Variants in IMMP2L observed in about 807,000 individuals in gnomAD.
The protein encoded by IMMP2L is inner mitochondrial membrane peptidase subunit 2.
A neutral mutation model predicts 19.3 loss-of-function variants in IMMP2L; 18 were observed. The ratio of observed to expected loss-of-function variants is 0.93; its 90% CI spans 0.64 to 1.38. The LOEUF (loss-of-function observed/expected upper bound fraction) is 1.38, where lower values mean the gene tolerates loss of function less well. Among genes scored for constraint, IMMP2L ranks in the 40% most tolerant of loss-of-function variants. The probability of loss-of-function intolerance (pLI) is 0.00; values close to 1 mark genes in which losing one functional copy is unlikely to be tolerated. For synonymous variants in IMMP2L, 76 were observed against 73.0 expected (o/e 1.04, Z -0.21); for missense variants, 233 against 218.2 (o/e 1.07, Z -0.43).
At chr7:111,184,833 C>G (rs1233940760) in intron 3 of IMMP2L, among the ~76,000 whole-genome samples, 1 of 151,956 alleles carries the variant, frequency 6.6e-6, no homozygotes, top group Non-Finnish European at 1.5e-5. Context: ...GTATTCAATG[C>G]ATAGAAACCA....
At chr7:110,969,453 T>A (rs750955819) in intron 3 of IMMP2L, among the ~76,000 whole-genome samples, 30 of 152,214 alleles carry the variant, frequency 2.0e-4, no homozygotes, top group African/African-American at 6.5e-4. Flanking sequence ...CAGAAAATGA[T>A]ATATGTATAT....
At chr7:111,492,993 T>TGTA (rs1335543565) in intron 2 of IMMP2L, among the ~76,000 whole-genome samples, 1 of 152,206 alleles carries the variant, frequency 6.6e-6, no homozygotes, top group East Asian at 1.9e-4. Flanking sequence ...TAGCCATTTT[T>TGTA]GTACACCTAA....
At chr7:111,147,626 G>T (rs1472679625) in intron 3 of IMMP2L, among the ~76,000 whole-genome samples, 1 of 152,004 alleles carries the variant, frequency 6.6e-6, no homozygotes, top group Non-Finnish European at 1.5e-5. Flanking sequence ...GACTCCTTAG[G>T]CTGAGTCCTC....
chr7:111,439,272 T>TAGAGA (rs1428562237), intron 3 of IMMP2L, among the ~76,000 whole-genome samples: 2 of 151,696 alleles, frequency 1.3e-5, no homozygotes, highest in Non-Finnish European at 2.9e-5. Context: ...ACTCCACAAT[T>TAGAGA]CTAGTGGCCC....
intron 5 of IMMP2L, among the ~76,000 whole-genome samples, chr7:110,884,280 A>G (rs1809988422): frequency 6.6e-6 from 1 of 152,024 alleles, no homozygotes; most frequent in Non-Finnish European, 1.5e-5. Context: ...AAAAGACACT[A>G]ATTTCTTTCA....
At chr7:110,831,061 C>G (rs1250820486) in intron 5 of IMMP2L, among the ~76,000 whole-genome samples, 1 of 152,132 alleles carries the variant, frequency 6.6e-6, no homozygotes, top group East Asian at 1.9e-4. Context: ...ATTTGGATTG[C>G]TGGACAAATT....
At chr7:111,312,892 G>A (rs1043998735) in intron 3 of IMMP2L, among the ~76,000 whole-genome samples, 4 of 151,960 alleles carry the variant, frequency 2.6e-5, no homozygotes, top group African/African-American at 9.7e-5. Flanking sequence ...TCCAGAATAG[G>A]AAATTTAATA....
intron 3 of IMMP2L, among the ~76,000 whole-genome samples, chr7:111,400,581 T>C (rs1833327993): frequency 6.6e-6 from 1 of 152,124 alleles, no homozygotes; most frequent in Non-Finnish European, 1.5e-5. Flanking sequence ...CCTTAAGGCT[T>C]TTCTATGGAT....
intron 3 of IMMP2L, among the ~76,000 whole-genome samples, chr7:111,178,436 C>A (rs982968487): frequency 2.0e-5 from 3 of 151,996 alleles, no homozygotes; most frequent in Admixed American, 6.6e-5. Flanking sequence ...GTAGCTGTAA[C>A]AATTTTCTTA....
intron 3 of IMMP2L, among the ~76,000 whole-genome samples, chr7:111,063,884 C>T (rs557320159): frequency 3.9e-5 from 6 of 152,324 alleles, no homozygotes; most frequent in Admixed American, 1.3e-4. Flanking sequence ...TTCTACAAGT[C>T]TCTAGGAAGT....
At chr7:111,504,219 C>T (rs2132482257) in intron 2 of IMMP2L, among the ~76,000 whole-genome samples, 2 of 152,214 alleles carry the variant, frequency 1.3e-5, no homozygotes, top group South Asian at 4.2e-4. Context: ...CTACCATTCA[C>T]AATTGCTTCA....
At chr7:111,039,690 T>C (rs1221599973) in intron 3 of IMMP2L, among the ~76,000 whole-genome samples, 3 of 152,190 alleles carry the variant, frequency 2.0e-5, no homozygotes, top group African/African-American at 2.4e-5. Context: ...CCAGTTTTAC[T>C]GCATTAATCA....
chr7:110,725,839 T>A (rs1795851285), intron 5 of IMMP2L: 1 of 152,176 alleles, frequency 6.6e-6, no homozygotes, highest in African/African-American at 2.4e-5. Context: ...ACTTAAAGAA[T>A]GAATACCAGT....
intron 5 of IMMP2L, among the ~76,000 whole-genome samples, chr7:110,685,031 T>G (rs1347911476): frequency 6.6e-6 from 1 of 152,056 alleles, no homozygotes; most frequent in Non-Finnish European, 1.5e-5. Context: ...ACTTCTTCAT[T>G]ATCTTAAATA....
intron 5 of IMMP2L, among the ~76,000 whole-genome samples, chr7:110,820,609 C>T (rs1036612765): frequency 3.3e-5 from 5 of 151,856 alleles, no homozygotes; most frequent in African/African-American, 1.2e-4. Flanking sequence ...ACAGTTCATG[C>T]TAAATTTGAT....
At chr7:111,452,529 T>G (rs1295854891) in intron 3 of IMMP2L, among the ~76,000 whole-genome samples, 2 of 152,150 alleles carry the variant, frequency 1.3e-5, no homozygotes, top group African/African-American at 4.8e-5. Context: ...TCCAGTAACA[T>G]GTTTTTATCA....
intron 3 of IMMP2L, among the ~76,000 whole-genome samples, chr7:111,092,535 T>A (rs1796980369): frequency 6.6e-6 from 1 of 152,104 alleles, no homozygotes; most frequent in African/African-American, 2.4e-5. Flanking sequence ...GAAGTAAAGG[T>A]TCAAAATATC....
chr7:111,172,837 AAAGGC>A (rs1806602094), intron 3 of IMMP2L, among the ~76,000 whole-genome samples: 1 of 151,654 alleles, frequency 6.6e-6, no homozygotes, highest in Non-Finnish European at 1.5e-5. Flanking sequence ...AGCATTATTA[AAAGGC>A]AACCTACCAT....
chr7:110,766,581 T>TAAAAAA (rs772192515), intron 5 of IMMP2L, among the ~76,000 whole-genome samples: 1 of 96,792 alleles, frequency 1.0e-5, no homozygotes, highest in African/African-American at 4.0e-5. Flanking sequence ...AGACTTCATT[T>TAAAAAA]AAAAAAAAAA....
Sources: allele counts gnomAD v4.1 joint callset (sites outside exome capture counted in the v4.1 genomes callset), GRCh38; gene constraint gnomAD v4.1.1; transcripts MANE v1.5; gene names NCBI Gene and HGNC (gene_info 2026-07-23, HGNC 2026-07-21).